The following SLC15A4 variants were observed in gnomAD, a reference collection of about 807,000 sequenced individuals.
SLC15A4 encodes hPHT1.
SLC15A4 carries 26 observed loss-of-function variants against 46.1 expected under a neutral mutation model. The observed-to-expected ratio is 0.56, with a 90% CI of 0.41 to 0.78. The LOEUF is 0.78. SLC15A4 is among the 30% of genes least tolerant of loss of function. SLC15A4 has a pLI of 0.00. For missense variants in SLC15A4, 751 were observed against 755.7 expected (o/e 0.99, Z 0.07); for synonymous variants, 370 against 333.4 (o/e 1.11, Z -1.20).
chr12:128,798,239 A>G (rs1029600461), intron 7 of SLC15A4, among the ~76,000 whole-genome samples: 5 of 152,246 alleles, frequency 3.3e-5, no homozygotes, highest in African/African-American at 9.6e-5. Context: ...CATGTACCAC[A>G]AGAGGATCTT....
At chr12:128,809,839 A>G (rs1955634353) in intron 3 of SLC15A4, 104 bp downstream of exon 3, 1 of 1,223,040 alleles carries the variant, frequency 8.2e-7, no homozygotes, top group Admixed American at 2.6e-5. Context: ...CTCATGGGAA[A>G]AAAAATCACC....
In SLC15A4 at chr12:128,795,468, C is replaced by A. The variant is rs568043134; in HGVS notation, c.1574-1112G>T. On this transcript the variant is annotated intron_variant, in intron 7 of 7. Coordinates refer to ENST00000266771, the MANE Select transcript of SLC15A4 (RefSeq NM_145648.4). ...GCAGCTCAAGCTATAAGGCTTGAATCCGGCCTCTGAGACCTCTGTGCTCAG... is the reference window on the plus strand; with the variant it reads ...GCAGCTCAAGCTATAAGGCTTGAATACGGCCTCTGAGACCTCTGTGCTCAG... 7.2e-5 allele frequency among the ~76,000 whole-genome samples: 11 copies of A among 152,296 alleles called. No individual in the cohort carries two copies. In the East Asian group the frequency reaches 2.1e-3, roughly 29 times the overall value.
At chr12:128,812,438 G>GC (rs756663192) in intron 2 of SLC15A4, among the ~76,000 whole-genome samples, 6 of 152,210 alleles carry the variant, frequency 3.9e-5, no homozygotes, top group Non-Finnish European at 7.4e-5. Flanking sequence ...TCCTGCCTCA[G>GC]CCCCCCATGT....
At chr12:128,797,767 G>A (rs751811878) in intron 7 of SLC15A4, among the ~76,000 whole-genome samples, 2 of 152,278 alleles carry the variant, frequency 1.3e-5, no homozygotes, top group Non-Finnish European at 1.5e-5. Context: ...TCTGAGGAGC[G>A]GGCTTCCTGT....
At chr12:128,810,415 C>T in intron 2 of SLC15A4, 2 of 328,014 alleles carry the variant, frequency 6.1e-6, no homozygotes, top group South Asian at 3.3e-5. Flanking sequence ...AGAGCCCCAG[C>T]GCAGCTGCCA....
intron 7 of SLC15A4, among the ~76,000 whole-genome samples, chr12:128,795,004 C>T (rs183333310): frequency 2.6e-5 from 4 of 152,174 alleles, no homozygotes; most frequent in African/African-American, 9.7e-5. Flanking sequence ...TGGCCTGGAA[C>T]TGCATTGTTG....
At chr12:128,815,261 A>G in intron 1 of SLC15A4, 191 bp from the exon 2 acceptor site, 1 of 589,850 alleles carries the variant, frequency 1.7e-6, no homozygotes, top group East Asian at 2.8e-5. Context: ...TAATTACTAC[A>G]GTTGCTAGGT....
chr12:128,800,856 G>T lies in SLC15A4; in HGVS notation c.1412C>A (p.Ala471Glu). The change falls in exon 6 of 8, where the codon GCA (alanine) becomes GAA (glutamate). Residue 471 changes from alanine to glutamate, a missense_variant and splice_region_variant. Ala to Glu is a moderately radical substitution (Grantham distance 107, BLOSUM62 -1). Coordinates refer to ENST00000266771, the MANE Select transcript of SLC15A4 (RefSeq NM_145648.4). ...CCTCCGGCACTAAAGGTCCTCACCT[G>T]CGATACTTGCAAAGATCTCGCTGAT... is the stretch of plus-strand genomic sequence containing the variant. ...IGISEIFASI[A>E]GLEFAYSAAP... 5 of 1,610,366 alleles carry T rather than the reference G, an allele frequency of 3.1e-6. No homozygotes were observed. Among genetic ancestry groups the T allele is most frequent in the Non-Finnish European group, 4.2e-6 (5 of 1,178,340 alleles).
chr12:128,812,787 C>T (rs1294352102), intron 2 of SLC15A4, among the ~76,000 whole-genome samples: 1 of 152,162 alleles, frequency 6.6e-6, no homozygotes, highest in Non-Finnish European at 1.5e-5. Flanking sequence ...AGCTGGGCTT[C>T]GCAAGATCAG....
chr12:128,796,850 C>T (rs1955450074), intron 7 of SLC15A4, among the ~76,000 whole-genome samples: 4 of 152,212 alleles, frequency 2.6e-5, no homozygotes. Flanking sequence ...CGAGCTAAAG[C>T]TGGCAGGCCA....
chr12:128,810,393 A>G (rs1054746701), intron 2 of SLC15A4: 8 of 378,388 alleles, frequency 2.1e-5, no homozygotes, highest in African/African-American at 1.7e-4. Flanking sequence ...AGTGTGAACC[A>G]CGGCTGAGCT....
intron 2 of SLC15A4, among the ~76,000 whole-genome samples, chr12:128,811,990 C>T (rs1019139430): frequency 5.9e-5 from 9 of 152,190 alleles, no homozygotes; most frequent in African/African-American, 9.6e-5. Flanking sequence ...CACAAGTTGA[C>T]GAGCTCCAGT....
At chr12:128,809,853 T>C (rs1397636599) in intron 3 of SLC15A4, 90 bp downstream of exon 3, 1 of 1,339,926 alleles carries the variant, frequency 7.5e-7, no homozygotes, top group African/African-American at 1.5e-5. Context: ...AATCACCTAG[T>C]CCTACCTACT....
At chr12:128,803,531 G>A (rs994178307) in intron 5 of SLC15A4, among the ~76,000 whole-genome samples, 2 of 152,222 alleles carry the variant, frequency 1.3e-5, no homozygotes, top group East Asian at 1.9e-4. Flanking sequence ...CTTCACACCC[G>A]GCTCTCAACG....
chr12:128,812,523 C>T (rs780742099), intron 2 of SLC15A4, among the ~76,000 whole-genome samples: 9 of 152,042 alleles, frequency 5.9e-5, no homozygotes, highest in African/African-American at 9.7e-5. Context: ...TTCACGTATT[C>T]GCCAGGATGG....
intron 7 of SLC15A4, among the ~76,000 whole-genome samples, chr12:128,795,767 T>C (rs187554471): frequency 6.7e-4 from 102 of 152,340 alleles, no homozygotes; most frequent in Admixed American, 4.3e-3. Flanking sequence ...TCATGACTGG[T>C]CATCCAGGCC....
chr12:128,822,381 T>A (rs910072621), intron 1 of SLC15A4, among the ~76,000 whole-genome samples: 28 of 152,212 alleles, frequency 1.8e-4, no homozygotes, highest in African/African-American at 6.3e-4. Context: ...TAAAGGAAGC[T>A]AAGGCAACAA....
intron 5 of SLC15A4, among the ~76,000 whole-genome samples, chr12:128,806,461 G>C (rs951750587): frequency 4.6e-5 from 7 of 152,046 alleles, no homozygotes; most frequent in Non-Finnish European, 1.0e-4. Flanking sequence ...GCAAAATCAA[G>C]TTTCTTTCCC....
intron 7 of SLC15A4, among the ~76,000 whole-genome samples, chr12:128,797,393 A>AGG (rs11461172): frequency 4.0e-5 from 6 of 151,860 alleles, no homozygotes; most frequent in South Asian, 2.1e-4. Flanking sequence ...TTACCTTCTG[A>AGG]GGGGGGCAGT....
Sources: gnomAD v4.1 joint callset for allele counts (sites outside exome capture counted in the v4.1 genomes callset) on GRCh38, gnomAD v4.1.1 for gene constraint, MANE v1.5 for transcripts, NCBI Gene and HGNC (gene_info 2026-07-23, HGNC 2026-07-21) for gene names.